GOSR2: variants seen among roughly 807,000 people sequenced by gnomAD.
The protein encoded by GOSR2 is golgi SNAP receptor complex member 2.
GOSR2 carries 20 observed loss-of-function variants against 27.9 expected under a neutral mutation model. The ratio of observed to expected loss-of-function variants is 0.72; its 90% CI spans 0.50 to 1.04. GOSR2 has a LOEUF of 1.04. Among genes scored for constraint, GOSR2 ranks in the 50% least tolerant of loss-of-function variants. The pLI is 0.00. For missense variants in GOSR2, 261 were observed against 270.5 expected, an observed-to-expected ratio of 0.97 and a Z score of 0.25; for synonymous variants, 91 against 98.8, an observed-to-expected ratio of 0.92 and a Z score of 0.47.
chr17:46,937,635 C>G (rs533423466), intron 5 of GOSR2: 1 of 152,270 alleles, frequency 6.6e-6, no homozygotes, highest in South Asian at 2.1e-4. Flanking sequence ...ATTTATTTCA[C>G]CATAGATGAG....
intron 4 of GOSR2, chr17:46,932,963 G>T (rs1274194091): frequency 1.3e-5 from 2 of 152,358 alleles, no homozygotes; most frequent in Non-Finnish European, 2.9e-5. Context: ...TTCCTGCTTT[G>T]TAGATGTTTA....
At chr17:46,926,627 GTGTTA>G (rs1448533156) in intron 1 of GOSR2, among the ~76,000 whole-genome samples, 2 of 152,210 alleles carry the variant, frequency 1.3e-5, no homozygotes, top group Non-Finnish European at 2.9e-5. Context: ...GACTTCCAGT[GTGTTA>G]TGTTGTGTTA....
chr17:46,966,508 CG>C (rs1568217771), intron 6 of GOSR2: 1 of 686,032 alleles, frequency 1.5e-6, no homozygotes, highest in Admixed American at 2.0e-5. Context: ...CCACCACACC[CG>C]ATTAATTTTT....
intron 5 of GOSR2, chr17:46,938,154 C>T (rs756630336): frequency 7.3e-6 from 2 of 273,972 alleles, no homozygotes; most frequent in East Asian, 1.0e-4. Context: ...TGAGTCCCTG[C>T]GCCTGGCCTG....
chr17:46,970,673 G>A (rs550805376), downstream of GOSR2, among the ~76,000 whole-genome samples: 13 of 152,142 alleles, frequency 8.5e-5, no homozygotes, highest in East Asian at 1.2e-3. Context: ...CACTGGAGCC[G>A]CTCCACTCAC....
chr17:46,969,125 G>A (rs546505312), downstream of GOSR2, among the ~76,000 whole-genome samples: 8 of 152,286 alleles, frequency 5.3e-5, no homozygotes, highest in South Asian at 2.1e-4. Context: ...AGCCGATCTC[G>A]CTCTGGCTCC....
At chr17:46,954,800 A>G (rs2090601671) in intron 6 of GOSR2, among the ~76,000 whole-genome samples, 1 of 152,172 alleles carries the variant, frequency 6.6e-6, no homozygotes, top group Admixed American at 6.5e-5. Flanking sequence ...TGTGAATGGG[A>G]GTTCACTCAT....
downstream of GOSR2, among the ~76,000 whole-genome samples, chr17:46,943,974 AGG>A (rs912092413): frequency 6.6e-6 from 1 of 151,980 alleles, no homozygotes; most frequent in Non-Finnish European, 1.5e-5. Flanking sequence ...ATCTAGGAAG[AGG>A]GGGCTCTCGG....
intron 6 of GOSR2, chr17:46,949,287 C>T (rs962113088): frequency 6.6e-6 from 1 of 152,364 alleles, no homozygotes; most frequent in African/African-American, 2.4e-5. Flanking sequence ...TCTGGAACAC[C>T]TGCACACGGC....
chr17:46,974,987 C>CTTTTTTTTTTTTTTT (rs58438726), intron 6 of GOSR2, among the ~76,000 whole-genome samples: 1 of 119,062 alleles, frequency 8.4e-6, no homozygotes, highest in Admixed American at 8.9e-5. Context: ...TTACTATTTT[C>CTTTTTTTTTTTTTTT]TTTTTTTTTT....
At chr17:46,928,387 C>T (rs1033120515) in intron 1 of GOSR2, among the ~76,000 whole-genome samples, 6 of 152,148 alleles carry the variant, frequency 3.9e-5, no homozygotes, top group Non-Finnish European at 5.9e-5. Context: ...TTTCCTCCAG[C>T]GTTGGGGATG....
At chr17:46,971,579 A>G (rs568959616), downstream of GOSR2, among the ~76,000 whole-genome samples, 1 of 152,148 alleles carries the variant, frequency 6.6e-6, no homozygotes, top group South Asian at 2.1e-4. Context: ...ATGTATGTAC[A>G]TGTAGGAGCT....
intron 1 of GOSR2, among the ~76,000 whole-genome samples, chr17:46,925,915 T>G (rs1007834926): frequency 3.3e-5 from 5 of 152,208 alleles, no homozygotes; most frequent in African/African-American, 1.2e-4. Context: ...AGATGAACTT[T>G]ATAGAGGAGC....
At chr17:46,927,272 C>T (rs1343425419) in intron 1 of GOSR2, among the ~76,000 whole-genome samples, 2 of 151,974 alleles carry the variant, frequency 1.3e-5, no homozygotes, top group Admixed American at 6.5e-5. Context: ...TATATATTTT[C>T]TGCACGTCAA....
At chr17:46,946,751 T>C (rs2089934395), downstream of GOSR2, among the ~76,000 whole-genome samples, 1 of 152,094 alleles carries the variant, frequency 6.6e-6, no homozygotes, top group African/African-American at 2.4e-5. Flanking sequence ...TAGTCCCAGC[T>C]ACTTGGGAGG....
exon 7 of GOSR2, chr17:46,966,718 T>C (rs1475382514): frequency 4.2e-6 from 2 of 476,552 alleles, no homozygotes; most frequent in South Asian, 8.3e-5. Context: ...TGATTTCAGA[T>C]CAGTGACTTG....
intron 6 of GOSR2, among the ~76,000 whole-genome samples, chr17:46,957,689 G>C (rs2090809054): frequency 6.6e-6 from 1 of 152,168 alleles, no homozygotes; most frequent in Non-Finnish European, 1.5e-5. Flanking sequence ...AGGCAAACAG[G>C]ACATGAAGGA....
chr17:46,939,837 G>A lies in GOSR2; in HGVS notation c.*1077G>A, dbSNP rs750940698. 41 of 989,674 alleles carry A rather than the reference G, an allele frequency of 4.1e-5. No individual in the cohort carries two copies. The highest frequency in any genetic ancestry group is 4.8e-5 in the Non-Finnish European group (40 of 832,090). The allele number at this position is 989,674 out of a possible 1,614,324, so 61.3% of individuals were successfully genotyped here. The stretch of plus-strand genomic sequence containing the variant: ...AATACCAGGTATATTGTGGAATTTA[G>A]TATAAAGGCCAATCTGTCCTGAAGT... On this transcript the variant is annotated 3_prime_UTR_variant, in exon 6 of 6. Coordinates refer to ENST00000640051, the MANE Select transcript of GOSR2 (RefSeq NM_004287.5).
rs2087304609 is a variant in GOSR2, at chr17:46,931,107, A to G, written c.103A>G (p.Asn35Asp). ...ADKQSVHIVE[N>D]EIQASIDQIF... The stretch of plus-strand genomic sequence containing the variant: ...TTTTCTTTTTTGTACAGTAGTAGAA[A>G]ACGAAATCCAAGCAAGCATAGACCA... The change falls in exon 3 of 6, where the codon AAC (asparagine) becomes GAC (aspartate). Residue 35 changes from asparagine (N) to aspartate (D), a missense_variant. Coordinates refer to ENST00000640051, the MANE Select transcript of GOSR2 (RefSeq NM_004287.5). The G allele has an allele frequency of 1.9e-6, 3 of 1,579,566 alleles. No individual in the cohort carries two copies. The highest frequency in any genetic ancestry group is 2.6e-6 in the Non-Finnish European group (3 of 1,148,936).
Sources: allele counts gnomAD v4.1 joint callset (sites outside exome capture counted in the v4.1 genomes callset), GRCh38; gene constraint gnomAD v4.1.1; transcripts MANE v1.5; gene names NCBI Gene and HGNC (gene_info 2026-07-23, HGNC 2026-07-21).